TFEB: variants seen among roughly 807,000 people sequenced by gnomAD.
TFEB encodes transcription factor EB, also known as T-cell transcription factor EB.
Under a neutral mutation model 48.0 loss-of-function variants are expected in TFEB, and 12 were observed. The ratio of observed to expected loss-of-function variants is 0.25; its 90% CI spans 0.16 to 0.40. The LOEUF (loss-of-function observed/expected upper bound fraction) is 0.40. Among genes scored for constraint, TFEB ranks in the 10% least tolerant of loss-of-function variants. The pLI is 1.00. For missense variants in TFEB, 509 were observed against 640.3 expected (o/e 0.79, Z 2.21); for synonymous variants, 244 against 261.4 (o/e 0.93, Z 0.64).
intron 1 of TFEB, among the ~76,000 whole-genome samples, chr6:41,722,755 C>A (rs955168243): frequency 6.6e-6 from 1 of 152,226 alleles, no homozygotes; most frequent in Non-Finnish European, 1.5e-5. Flanking sequence ...CAAAAATGAT[C>A]GTCAGGAGCC....
chr6:41,706,456 G>A (rs1405447074), intron 1 of TFEB, among the ~76,000 whole-genome samples: 1 of 152,002 alleles, frequency 6.6e-6, no homozygotes, highest in Non-Finnish European at 1.5e-5. Context: ...CTCAGCGGGG[G>A]CTCTTCTCCC....
chr6:41,713,366 A>G (rs549861332), intron 1 of TFEB, among the ~76,000 whole-genome samples: 1 of 152,272 alleles, frequency 6.6e-6, no homozygotes, highest in African/African-American at 2.4e-5. Context: ...AAAGCCACTC[A>G]GCTGGTATCA....
At chr6:41,688,182 G>A (rs960799753) in intron 4 of TFEB, 154 bp from the exon 5 acceptor site, 2 of 869,282 alleles carry the variant, frequency 2.3e-6, no homozygotes, top group Non-Finnish European at 3.4e-6. Context: ...CAACCTGAAG[G>A]TCTGCAGAGT....
intron 1 of TFEB, among the ~76,000 whole-genome samples, chr6:41,701,808 G>A (rs1014149509): frequency 5.9e-5 from 9 of 151,944 alleles, no homozygotes; most frequent in East Asian, 1.9e-4. Flanking sequence ...AGCCAGGCGC[G>A]GTGGCACATG....
rs1315036973 is a variant in TFEB at position 41,720,698 on chromosome 6, G to A, written c.-23+14652C>T. 1 of 152,068 alleles carries A rather than the reference G, an allele frequency of 6.6e-6. No individual in the cohort carries two copies. Among genetic ancestry groups the A allele is most frequent in the Middle Eastern group, 3.1e-3 (1 of 318 alleles). 9.4% of individuals were successfully genotyped at this position (152,068 alleles called of 1,614,324 possible). On this transcript the variant is annotated intron_variant, in intron 1 of 8. Transcript: ENST00000373033. This position sits in a 1 kb window ranked among gnomAD's most constrained non-coding sequence, Gnocchi z 4.1. ...CCAGGTTGCAGGCCAGGCCCACGTG[G>A]GTCTCACCCATAGTGACTACAGATC...
At chr6:41,686,825 A>G (rs1247345564) in intron 7 of TFEB, 4 of 513,752 alleles carry the variant, frequency 7.8e-6, no homozygotes, top group South Asian at 2.3e-5. Flanking sequence ...TGCCAGCCCA[A>G]TGGCCTTAAG....
chr6:41,718,932 G>C (rs1770858262), intron 1 of TFEB, among the ~76,000 whole-genome samples: 1 of 152,144 alleles, frequency 6.6e-6, no homozygotes, highest in African/African-American at 2.4e-5. Flanking sequence ...CCAGTCCCCA[G>C]GCCACAGACC....
At chr6:41,689,919 C>T in intron 3 of TFEB, 108 bp from the exon 4 acceptor site, 1 of 764,542 alleles carries the variant, frequency 1.3e-6, no homozygotes, top group Middle Eastern at 2.4e-4. Context: ...CCACCTCACC[C>T]AACCTACTTA....
rs1336389507 is a variant in TFEB at position 41,689,768 on chromosome 6, A to G, written c.512T>C (p.Leu171Pro). 6.2e-7 allele frequency: 1 copy of G among 1,614,174 alleles called. No homozygotes were observed. Among genetic ancestry groups the G allele is most frequent in the South Asian group, 1.1e-5 (1 of 91,084 alleles). The change falls in exon 4 of 9, where the codon CTT becomes CCT. Residue 171 changes from leucine to proline, a missense_variant. This residue lies in a region of TFEB where 251 missense variants were observed against 317.2 expected (regional missense o/e 0.79). Coordinates refer to ENST00000373033, the MANE Select transcript of TFEB (RefSeq NM_001271944.2). ...IDNIMRLDDV[L>P]GYINPEMQMP... ...CTGCATTTCAGGATTGATGTAGCCA[A>G]GGACATCGTCCAGACGCATAATGTT...
intron 1 of TFEB, among the ~76,000 whole-genome samples, chr6:41,696,586 C>T (rs1254170774): frequency 2.6e-5 from 4 of 151,898 alleles, no homozygotes; most frequent in East Asian, 1.9e-4. Context: ...CCCAGCTACT[C>T]GGGAGGCTGA....
chr6:41,735,023 C>A, intron 1 of TFEB: 1 of 985,446 alleles, frequency 1.0e-6, no homozygotes, highest in African/African-American at 1.7e-5. Flanking sequence ...CCCTTCGACT[C>A]CCAGCTCCGG....
intron 1 of TFEB, among the ~76,000 whole-genome samples, chr6:41,712,407 C>A (rs906433480): frequency 6.6e-6 from 1 of 152,216 alleles, no homozygotes; most frequent in Non-Finnish European, 1.5e-5. Context: ...CAGTAAGGGG[C>A]TCAGCCACAG....
intron 1 of TFEB, among the ~76,000 whole-genome samples, chr6:41,710,753 A>T (rs1243965494): frequency 6.6e-6 from 1 of 152,030 alleles, no homozygotes; most frequent in Non-Finnish European, 1.5e-5. Flanking sequence ...TTGCTCTCTC[A>T]CGCCAACCCA....
chr6:41,731,643 G>T (rs1771454567), intron 1 of TFEB, among the ~76,000 whole-genome samples: 1 of 152,180 alleles, frequency 6.6e-6, no homozygotes, highest in Non-Finnish European at 1.5e-5. Context: ...CCAGTGAGAG[G>T]CACAGTGGGG....
chr6:41,711,161 C>A (rs1770458301), intron 1 of TFEB, among the ~76,000 whole-genome samples: 1 of 152,228 alleles, frequency 6.6e-6, no homozygotes, highest in African/African-American at 2.4e-5. Flanking sequence ...TGTATTAATT[C>A]ATTTGGCCTT....
chr6:41,705,927 C>T (rs1370182575), intron 1 of TFEB: 4 of 152,268 alleles, frequency 2.6e-5, no homozygotes, highest in South Asian at 2.1e-4. Flanking sequence ...CTGAAGCTCT[C>T]GTCAGCTCAC....
chr6:41,734,355 A>G lies in TFEB; in HGVS notation c.-23+995T>C, dbSNP rs1771580944. The G allele has an allele frequency of 1.0e-6, 1 of 984,096 alleles. No individual in the cohort carries two copies. Among genetic ancestry groups the G allele is most frequent in the Non-Finnish European group, 1.2e-6 (1 of 829,516 alleles). The allele number at this position is 984,096 out of a possible 1,614,324, so 61.0% of individuals were successfully genotyped here. ...GGCGCGCCAGGCGGCTGCGGCGCGAACCTGCTCGCGCAGCCCGGAGCAGCT... is the reference window on the plus strand; with the variant it reads ...GGCGCGCCAGGCGGCTGCGGCGCGAGCCTGCTCGCGCAGCCCGGAGCAGCT... On this transcript the variant is annotated intron_variant, in intron 1 of 8. Coordinates refer to ENST00000373033, the MANE Select transcript of TFEB (RefSeq NM_001271944.2). This position sits in a 1 kb window ranked among gnomAD's most constrained non-coding sequence, Gnocchi z 4.0.
At position 41,701,991 on chromosome 6, in the gene TFEB, C is replaced by T. The variant is rs143063491; in HGVS notation, c.-22-10756G>A. ...ATTAAGCAGCTTGTCAGAAGTCACA[C>T]TGCAAGAGCACAGTGAAGTGGGGGT... On this transcript the variant is annotated intron_variant, in intron 1 of 8. Transcript: ENST00000373033. Among the ~76,000 whole-genome samples, 63 of 151,802 alleles carry T rather than the reference C, an allele frequency of 4.2e-4. 1 individual carries two copies. The East Asian group carries it at 0.011, about 27-fold the overall frequency.
chr6:41,726,089 A>T (rs2127271576), intron 1 of TFEB, among the ~76,000 whole-genome samples: 1 of 152,314 alleles, frequency 6.6e-6, no homozygotes, highest in East Asian at 1.9e-4. Context: ...AGCCTGGGCA[A>T]CAGAGCAGAC....
Sources: allele counts gnomAD v4.1 joint callset (sites outside exome capture counted in the v4.1 genomes callset), GRCh38; gene constraint gnomAD v4.1.1; regional missense constraint gnomAD v4.1.1; non-coding constraint Gnocchi (gnomAD v3.1); transcripts MANE v1.5; gene names NCBI Gene and HGNC (gene_info 2026-07-23, HGNC 2026-07-21).